PDE4B: variants seen among roughly 807,000 people sequenced by gnomAD.
PDE4B encodes phosphodiesterase 4B.
A neutral mutation model predicts 82.2 loss-of-function variants in PDE4B; 20 were observed. That is an observed-to-expected ratio of 0.24 (90% CI 0.17 to 0.35). The LOEUF (loss-of-function observed/expected upper bound fraction) is 0.35. PDE4B is among the 10% of genes least tolerant of loss of function. The probability of loss-of-function intolerance (pLI) is 1.00; values close to 1 mark genes in which losing one functional copy is unlikely to be tolerated. For missense variants in PDE4B, 655 were observed against 907.2 expected, an observed-to-expected ratio of 0.72 and a Z score of 3.57; for synonymous variants, 320 against 318.9, an observed-to-expected ratio of 1.00 and a Z score of -0.04.
chr1:65,948,570 A>G lies in PDE4B; in HGVS notation c.281+29735A>G, dbSNP rs144811574. Among the ~76,000 whole-genome samples, 453 of 152,072 alleles carry G rather than the reference A, an allele frequency of 3.0e-3. 1 individual carries two copies. The highest frequency in any genetic ancestry group is 6.4e-3 in the Admixed American group (98 of 15,246). On this transcript the variant is annotated intron_variant, in intron 3 of 16. Transcript: ENST00000341517. ...CAGCTGATTAGATGGTGCCCATCCA[A>G]TTAAGATTGGGTCAGCCTTTCCCAG...
intron 1 of PDE4B, among the ~76,000 whole-genome samples, chr1:65,798,958 T>C (rs1353678619): frequency 2.0e-5 from 3 of 152,228 alleles, no homozygotes; most frequent in Non-Finnish European, 4.4e-5. Context: ...ACTTCTTATT[T>C]ATTGCCATCT....
chr1:66,334,949 G>T (rs1268147464), intron 8 of PDE4B, among the ~76,000 whole-genome samples: 2 of 112,950 alleles, frequency 1.8e-5, no homozygotes, highest in Admixed American at 8.4e-5. Flanking sequence ...CCACCAGAAA[G>T]AAATTGATCT....
chr1:66,037,620 T>G (rs1654138116), intron 3 of PDE4B, among the ~76,000 whole-genome samples: 1 of 152,158 alleles, frequency 6.6e-6, no homozygotes, highest in Non-Finnish European at 1.5e-5. Flanking sequence ...CTTTCTCTTA[T>G]CTAATTGTTC....
chr1:66,321,837 G>A (rs1659424897), intron 7 of PDE4B, among the ~76,000 whole-genome samples: 1 of 152,078 alleles, frequency 6.6e-6, no homozygotes, highest in African/African-American at 2.4e-5. Flanking sequence ...AAGCTCATAT[G>A]GAACCAAAAA....
chr1:66,347,319 A>G (rs940364866), intron 8 of PDE4B, among the ~76,000 whole-genome samples: 2 of 152,226 alleles, frequency 1.3e-5, no homozygotes, highest in Admixed American at 1.3e-4. Context: ...ATAAAATTGC[A>G]TAAGAAATAG....
intron 3 of PDE4B, among the ~76,000 whole-genome samples, chr1:66,100,987 C>G (rs924982300): frequency 6.6e-6 from 1 of 152,156 alleles, no homozygotes; most frequent in Non-Finnish European, 1.5e-5. Flanking sequence ...CATCCTCCCC[C>G]CACCCCACAA....
chr1:66,270,323 C>T (rs1655373377), intron 7 of PDE4B, among the ~76,000 whole-genome samples: 1 of 152,166 alleles, frequency 6.6e-6, no homozygotes, highest in Admixed American at 6.5e-5. Flanking sequence ...AGGCTTTCTC[C>T]TTGGAAACCT....
intron 3 of PDE4B, among the ~76,000 whole-genome samples, chr1:66,105,567 C>A (rs1331314000): frequency 6.6e-6 from 1 of 152,122 alleles, no homozygotes; most frequent in Non-Finnish European, 1.5e-5. Context: ...TCTTCCTACC[C>A]ATGAGCATGG....
At chr1:65,843,767 A>T (rs1646236873) in intron 1 of PDE4B, among the ~76,000 whole-genome samples, 1 of 152,162 alleles carries the variant, frequency 6.6e-6, no homozygotes, top group Non-Finnish European at 1.5e-5. Context: ...TTTTAAGGAT[A>T]AAGATGTACT....
At chr1:66,100,453 A>G (rs1328966352) in intron 3 of PDE4B, among the ~76,000 whole-genome samples, 1 of 152,186 alleles carries the variant, frequency 6.6e-6, no homozygotes, top group African/African-American at 2.4e-5. Flanking sequence ...CATGAGTCTT[A>G]GAACAATGAC....
intron 3 of PDE4B, among the ~76,000 whole-genome samples, chr1:66,207,044 A>G (rs535004557): frequency 1.7e-4 from 26 of 152,328 alleles, no homozygotes; most frequent in African/African-American, 6.0e-4. Context: ...CTGAAAGGAA[A>G]TACTACATTT....
intron 1 of PDE4B, among the ~76,000 whole-genome samples, chr1:65,903,003 T>C (rs1450152757): frequency 1.3e-5 from 2 of 152,174 alleles, no homozygotes. Context: ...CTATATTTTA[T>C]CTGTAAAATA....
At chr1:66,122,221 T>C (rs1645723433) in intron 3 of PDE4B, among the ~76,000 whole-genome samples, 1 of 152,318 alleles carries the variant, frequency 6.6e-6, no homozygotes, top group East Asian at 1.9e-4. Context: ...CATAAGAATA[T>C]TGAGAATATT....
chr1:65,822,484 T>C (rs893982871), intron 1 of PDE4B, among the ~76,000 whole-genome samples: 1 of 152,228 alleles, frequency 6.6e-6, no homozygotes, highest in Admixed American at 6.5e-5. Flanking sequence ...GTGCTTCATA[T>C]CTCTGTCTTT....
rs1388559094 is a variant in PDE4B, at chr1:66,373,556, AC to A, written c.*882del. On this transcript the variant is annotated 3_prime_UTR_variant, in exon 17 of 17. Coordinates refer to ENST00000341517, the MANE Select transcript of PDE4B (RefSeq NM_002600.4). ...GCCCTGTTCCCTACCTCCTCTCTTCACCCCGTTAGGCTGTTTTCAATGTAAT... is the reference window on the plus strand; with the variant it reads ...GCCCTGTTCCCTACCTCCTCTCTTCACCCGTTAGGCTGTTTTCAATGTAAT... 2 of 151,768 alleles carry A rather than the reference AC, an allele frequency of 1.3e-5. No homozygotes were observed. Among genetic ancestry groups the A allele is most frequent in the Non-Finnish European group, 2.9e-5 (2 of 67,892 alleles). The allele number at this position is 151,768 out of a possible 1,614,324, so 9.4% of individuals were successfully genotyped here.
At chr1:66,157,057 G>A (rs940057422) in intron 3 of PDE4B, among the ~76,000 whole-genome samples, 1 of 152,098 alleles carries the variant, frequency 6.6e-6, no homozygotes, top group Admixed American at 6.6e-5. Flanking sequence ...CTTTAGATAG[G>A]CATCTCAAAC....
chr1:66,089,635 T>A (rs1644973138), intron 3 of PDE4B, among the ~76,000 whole-genome samples: 1 of 152,080 alleles, frequency 6.6e-6, no homozygotes, highest in South Asian at 2.1e-4. Flanking sequence ...GCTTAGCCAG[T>A]CACCTTGCTA....
rs1332112841 is a variant in PDE4B at position 65,986,205 on chromosome 1, A to G, written c.281+67370A>G. On this transcript the variant is annotated intron_variant, in intron 3 of 16. Transcript: ENST00000341517. ...TCAGAATACACAATGTCAGCCTCTG[A>G]AGATACAAAGGTGAATACGATAGTT... Among the ~76,000 whole-genome samples the G allele has an allele frequency of 2.6e-5, 4 of 152,326 alleles. No individual in the cohort carries two copies. The East Asian group carries it at 7.7e-4, about 29-fold the overall frequency.
chr1:65,910,280 A>G (rs1647074970), intron 1 of PDE4B, among the ~76,000 whole-genome samples: 1 of 152,218 alleles, frequency 6.6e-6, no homozygotes, highest in African/African-American at 2.4e-5. Flanking sequence ...GTGAGGACAC[A>G]AAACTATTTT....
Sources: gnomAD v4.1 joint callset for allele counts (sites outside exome capture counted in the v4.1 genomes callset) on GRCh38, gnomAD v4.1.1 for gene constraint, MANE v1.5 for transcripts, NCBI Gene and HGNC (gene_info 2026-07-23, HGNC 2026-07-21) for gene names.